Variants in CD109 observed in about 807,000 individuals in gnomAD.
The protein encoded by CD109 is CD109 molecule.
Under a neutral mutation model 165.8 loss-of-function variants are expected in CD109, and 149 were observed. That is an observed-to-expected ratio of 0.90 (90% CI 0.79 to 1.03). The LOEUF is 1.03. Ranked by LOEUF, CD109 falls within the 50% of genes least tolerant of loss-of-function variation. The probability of loss-of-function intolerance (pLI) is 0.00; values close to 1 mark genes in which losing one functional copy is unlikely to be tolerated. For missense variants in CD109, 1,712 were observed against 1,677.8 expected (o/e 1.02, Z -0.36); for synonymous variants, 585 against 592.1 (o/e 0.99, Z 0.18).
chr6:73,693,445 A>G (rs1770722491), upstream of CD109, among the ~76,000 whole-genome samples: 2 of 152,200 alleles, frequency 1.3e-5, 1 homozygote. Context: ...AACATCTCAC[A>G]TTGTGCTCTA....
Position 73,827,659 on chromosome 6 carries a change from T to A in CD109, c.*4026T>A, listed in dbSNP as rs1241781336. On this transcript the variant is annotated 3_prime_UTR_variant, in exon 33 of 33. Transcript: ENST00000287097. ...TTGTTTTACAACTATTTCTAGCCAG[T>A]GAGTTGTGTTTTCATGTCTCATCAA... is the stretch of plus-strand genomic sequence containing the variant. 2 of 152,068 alleles carry A rather than the reference T, an allele frequency of 1.3e-5. No individual in the cohort carries two copies. The highest frequency in any genetic ancestry group is 3.9e-4 in the East Asian group (2 of 5,172). The allele number at this position is 152,068 out of a possible 1,614,324, so 9.4% of individuals were successfully genotyped here.
At chr6:73,783,497 A>T (rs768907426) in intron 18 of CD109, among the ~76,000 whole-genome samples, 1 of 152,252 alleles carries the variant, frequency 6.6e-6, no homozygotes, top group Non-Finnish European at 1.5e-5. Context: ...ATGGATCAAT[A>T]TGCAGTATTA....
Position 73,768,099 on chromosome 6 carries a change from A to G in CD109, c.1542A>G (p.Ser514=). 2 of 1,613,580 alleles carry G rather than the reference A, an allele frequency of 1.2e-6. No individual in the cohort carries two copies. Among genetic ancestry groups the G allele is most frequent in the South Asian group, 2.2e-5 (2 of 91,054 alleles). Residue 514 remains serine, a synonymous_variant, in exon 14 of 33, where the codon TCA becomes TCG. Coordinates refer to ENST00000287097, the MANE Select transcript of CD109 (RefSeq NM_133493.5). ...GQLVAVGKQN[S]TMFSLTPENS... ...TGGTGGCTGTAGGAAAACAAAATTC[A>G]ACAATGTTCTCTTTAACACCAGAAA...
intron 2 of CD109, among the ~76,000 whole-genome samples, chr6:73,717,267 G>T: frequency 6.6e-6 from 1 of 151,290 alleles, no homozygotes; most frequent in Admixed American, 6.6e-5. Flanking sequence ...TGGGTCTTTG[G>T]TGGTTCCATA....
At chr6:73,801,088 G>A (rs1333193184) in intron 23 of CD109, among the ~76,000 whole-genome samples, 1 of 152,168 alleles carries the variant, frequency 6.6e-6, no homozygotes, top group Non-Finnish European at 1.5e-5. Context: ...CATGTAAAAG[G>A]TACTTACTGA....
the CD109 span, among the ~76,000 whole-genome samples, chr6:73,679,353 A>AT: frequency 6.6e-6 from 1 of 152,080 alleles, no homozygotes; most frequent in African/African-American, 2.4e-5. Context: ...GTCATGTGAA[A>AT]TGTAAAGGAA....
the CD109 span, among the ~76,000 whole-genome samples, chr6:73,690,559 G>A: frequency 3.9e-5 from 6 of 152,010 alleles, no homozygotes; most frequent in Admixed American, 6.6e-5. Context: ...GTGCCACCAC[G>A]CCTTGCTAAT....
chr6:73,802,910 A>G (rs1261190570), intron 23 of CD109, among the ~76,000 whole-genome samples: 1 of 152,002 alleles, frequency 6.6e-6, no homozygotes, highest in African/African-American at 2.4e-5. Flanking sequence ...ATGTTGGTCA[A>G]GCTGGTCTCG....
chr6:73,820,660 G>C (rs1776076628), intron 32 of CD109, 97 bp downstream of exon 32: 4 of 670,398 alleles, frequency 6.0e-6, no homozygotes, highest in Non-Finnish European at 9.7e-6. Flanking sequence ...TCTGTGGCGA[G>C]GGCAGGATTT....
the CD109 span, among the ~76,000 whole-genome samples, chr6:73,680,153 C>T: frequency 2.0e-5 from 3 of 152,090 alleles, no homozygotes; most frequent in Non-Finnish European, 2.9e-5. Flanking sequence ...CCATTTCAAG[C>T]CATTTTTATA....
At chr6:73,726,499 G>A (rs1772147886) in intron 3 of CD109, among the ~76,000 whole-genome samples, 1 of 152,076 alleles carries the variant, frequency 6.6e-6, no homozygotes, top group Non-Finnish European at 1.5e-5. Flanking sequence ...TTGAAAAATT[G>A]TCTCCGTTAT....
the CD109 span, among the ~76,000 whole-genome samples, chr6:73,680,219 A>AT: frequency 0.066 from 10,039 of 152,190 alleles, 519 homozygotes; most frequent in Admixed American, 0.17. Context: ...TAATTATATT[A>AT]TTTTTTATTC....
chr6:73,780,411 A>G lies in CD109; in HGVS notation c.1828-13A>G, dbSNP rs1774440057. On this transcript the variant is annotated splice_polypyrimidine_tract_variant and intron_variant, in intron 15 of 32. Transcript: ENST00000287097. Reference sequence around the variant, plus strand: ...TGAATCCATTCATTCCGTATATTTTATCTTCTCCTTAGGTGGTCCATGAGT... The same window carrying G: ...TGAATCCATTCATTCCGTATATTTTGTCTTCTCCTTAGGTGGTCCATGAGT... The G allele has an allele frequency of 4.6e-6, 7 of 1,509,392 alleles. No individual in the cohort carries two copies. The highest frequency in any genetic ancestry group is 6.4e-6 in the Non-Finnish European group (7 of 1,086,026). 93.5% of individuals were successfully genotyped at this position (1,509,392 alleles called of 1,614,324 possible).
At chr6:73,722,300 C>T (rs577811299) in intron 2 of CD109, among the ~76,000 whole-genome samples, 11 of 152,238 alleles carry the variant, frequency 7.2e-5, no homozygotes, top group South Asian at 4.2e-4. Context: ...TATCAACATA[C>T]GTATTCCTTA....
chr6:73,812,085 C>A, intron 28 of CD109, 120 bp from the exon 29 acceptor site: 1 of 636,098 alleles, frequency 1.6e-6, no homozygotes, highest in Non-Finnish European at 2.8e-6. Flanking sequence ...GTGCAAAGCT[C>A]TTAGTGCTGT....
intron 4 of CD109, 55 bp from the exon 5 acceptor site, chr6:73,736,328 A>G (rs1772542214): frequency 6.3e-7 from 1 of 1,593,858 alleles, no homozygotes; most frequent in African/African-American, 1.3e-5. Flanking sequence ...ACCTGATAGG[A>G]TACACATGCA....
intron 10 of CD109, among the ~76,000 whole-genome samples, chr6:73,764,234 A>C (rs922073176): frequency 1.3e-5 from 2 of 152,206 alleles, no homozygotes; most frequent in Admixed American, 6.5e-5. Flanking sequence ...TATATACTTA[A>C]CTATAACTCA....
intron 3 of CD109, among the ~76,000 whole-genome samples, chr6:73,724,043 A>G (rs1772051919): frequency 6.6e-6 from 1 of 152,242 alleles, no homozygotes; most frequent in South Asian, 2.1e-4. Flanking sequence ...GGCAAAAGGA[A>G]AAATCAGTAA....
chr6:73,787,170 T>C, intron 20 of CD109, 64 bp from the exon 21 acceptor site: 1 of 1,052,840 alleles, frequency 9.5e-7, no homozygotes, highest in Non-Finnish European at 1.4e-6. Flanking sequence ...AAACTGGTGA[T>C]AAAAGAGCAC....
Sources: gnomAD v4.1 joint callset for allele counts (sites outside exome capture counted in the v4.1 genomes callset) on GRCh38, gnomAD v4.1.1 for gene constraint, MANE v1.5 for transcripts, NCBI Gene and HGNC (gene_info 2026-07-23, HGNC 2026-07-21) for gene names.